Variants in RLBP1 observed in about 807,000 individuals in gnomAD.
RLBP1 encodes the protein retinaldehyde binding protein 1, also known as retinaldehyde-binding protein 1.
In RLBP1, 26 loss-of-function variants were observed where a neutral mutation model predicts 36.2. The ratio of observed to expected loss-of-function variants is 0.72; its 90% confidence interval spans 0.53 to 1.00. RLBP1 has a LOEUF of 1.00. Among genes scored for constraint, RLBP1 ranks in the 50% least tolerant of loss-of-function variants. The probability of loss-of-function intolerance (pLI) is 0.00; values close to 1 mark genes in which losing one functional copy is unlikely to be tolerated. For synonymous variants in RLBP1, 155 were observed against 156.2 expected, an observed-to-expected ratio of 0.99 and a Z score of 0.06; for missense variants, 410 against 402.4, an observed-to-expected ratio of 1.02 and a Z score of -0.16.
rs199544623 is a variant in RLBP1, at chr15:89,218,739, G to C, written c.13-46C>G. 8 of 1,611,236 alleles carry C rather than the reference G, an allele frequency of 5.0e-6. No individual in the cohort carries two copies. The highest frequency in any genetic ancestry group is 6.8e-6 in the Non-Finnish European group (8 of 1,179,978). On this transcript the variant is annotated intron_variant, in intron 3 of 8. Transcript: ENST00000268125. This position sits in a 1 kb window ranked among gnomAD's most constrained non-coding sequence, Gnocchi z 4.6. ...GAGGAACAGCCAACCGCATCAGCCT[G>C]AGCCAGCCAGGGAAATGGGCCTGCT...
rs527538342 is a variant in RLBP1, at chr15:89,212,390, T to C, written c.526-489A>G. Among the ~76,000 whole-genome samples, 129 of 152,210 alleles carry C rather than the reference T, an allele frequency of 8.5e-4. 1 individual carries two copies. The South Asian group carries it at 0.012, about 14-fold the overall frequency. On this transcript the variant is annotated intron_variant, in intron 6 of 8. Coordinates refer to ENST00000268125, the MANE Select transcript of RLBP1 (RefSeq NM_000326.5). ...TGAGGTCAAGAATTCAAGACCAGCC[T>C]GGCCAACATGGTGAAACCCCATCTC...
chr15:89,217,060 G>T, intron 5 of RLBP1, 60 bp downstream of exon 5: 1 of 1,550,400 alleles, frequency 6.4e-7, no homozygotes, highest in Non-Finnish European at 8.9e-7. Flanking sequence ...GGATGAGAGC[G>T]GATAGCATCC....
intron 6 of RLBP1, 138 bp from the exon 7 acceptor site, chr15:89,212,039 T>C: frequency 2.3e-6 from 2 of 871,114 alleles, no homozygotes; most frequent in East Asian, 2.6e-5. Flanking sequence ...ATTCCACTTC[T>C]GTGAATGTAT....
rs1055903315 is a variant in RLBP1 at position 89,218,759 on chromosome 15, C to T, written c.13-66G>A. The T allele has an allele frequency of 1.2e-4, 193 of 1,607,276 alleles. No individual in the cohort carries two copies. Among genetic ancestry groups the T allele is most frequent in the Middle Eastern group, 1.7e-4 (1 of 6,052 alleles). On this transcript the variant is annotated intron_variant, in intron 3 of 8. Coordinates refer to ENST00000268125, the MANE Select transcript of RLBP1 (RefSeq NM_000326.5). The surrounding 1 kb of genome is among the most constrained non-coding windows in gnomAD (Gnocchi z 4.6). Reference sequence around the variant, plus strand: ...AGCCTGAGCCAGCCAGGGAAATGGGCCTGCTCAGACCTTCAGTTCTTTTGC... The same window carrying T: ...AGCCTGAGCCAGCCAGGGAAATGGGTCTGCTCAGACCTTCAGTTCTTTTGC...
Position 89,210,245 on chromosome 15 carries a change from C to T in RLBP1, c.*40G>A, listed in dbSNP as rs1320879198. The T allele has an allele frequency of 6.2e-7, 1 of 1,611,212 alleles. No individual in the cohort carries two copies. Among genetic ancestry groups the T allele is most frequent in the East Asian group, 2.2e-5 (1 of 44,862 alleles). Reference sequence around the variant, plus strand: ...GGGTCCAGGACAGTTGAGGAGAGGCCCAGAGATTCTAACTACAGTTCAGCT... The same window carrying T: ...GGGTCCAGGACAGTTGAGGAGAGGCTCAGAGATTCTAACTACAGTTCAGCT... On this transcript the variant is annotated 3_prime_UTR_variant, in exon 9 of 9. Coordinates refer to ENST00000268125, the MANE Select transcript of RLBP1 (RefSeq NM_000326.5). This position sits in a 1 kb window ranked among gnomAD's most constrained non-coding sequence, Gnocchi z 4.7.
In RLBP1 at chr15:89,218,851, T is replaced by C. The variant is rs1004532869; in HGVS notation, c.12+113A>G. 3.3e-6 allele frequency: 5 copies of C among 1,500,554 alleles called. No individual in the cohort carries two copies. The highest frequency in any genetic ancestry group is 4.6e-6 in the Non-Finnish European group (5 of 1,086,846). 93.0% of individuals were successfully genotyped at this position (1,500,554 alleles called of 1,614,324 possible). On this transcript the variant is annotated intron_variant, in intron 3 of 8. Transcript: ENST00000268125. This position sits in a 1 kb window ranked among gnomAD's most constrained non-coding sequence, Gnocchi z 4.6. Reference sequence around the variant, plus strand: ...CCCACACAGGGGTTATAGAAGTGTGTGCCTATATTCCCGGGCAGAGCATAA... The same window carrying C: ...CCCACACAGGGGTTATAGAAGTGTGCGCCTATATTCCCGGGCAGAGCATAA...
At chr15:89,216,222 A>G (rs1477452639) in intron 5 of RLBP1, among the ~76,000 whole-genome samples, 3 of 152,166 alleles carry the variant, frequency 2.0e-5, no homozygotes, top group South Asian at 2.1e-4. Context: ...AAGAAGTAGG[A>G]AAAGGAAAAT....
chr15:89,216,611 C>G (rs900877391), intron 5 of RLBP1, among the ~76,000 whole-genome samples: 1 of 152,178 alleles, frequency 6.6e-6, no homozygotes, highest in Non-Finnish European at 1.5e-5. Flanking sequence ...CGTGAGCCAC[C>G]GCAACCGGCC....
intron 5 of RLBP1, among the ~76,000 whole-genome samples, chr15:89,216,058 A>G (rs2051577151): frequency 6.6e-6 from 1 of 152,096 alleles, no homozygotes; most frequent in Non-Finnish European, 1.5e-5. Context: ...ATTTAACCCT[A>G]TATAATTTTA....
intron 2 of RLBP1, chr15:89,219,458 G>C (rs2150972340): frequency 5.3e-6 from 1 of 187,334 alleles, no homozygotes; most frequent in East Asian, 1.3e-4. Context: ...TCCTTCTCCA[G>C]CCCGAAGGAG....
Position 89,210,314 on chromosome 15 carries a change from G to C in RLBP1, c.925C>G (p.Gln309Glu). The change falls in exon 9 of 9, where the codon CAG becomes GAG. Residue 309 changes from glutamine to glutamate, a missense_variant. Gln to Glu is a conservative substitution (Grantham distance 29). Coordinates refer to ENST00000268125, the MANE Select transcript of RLBP1 (RefSeq NM_000326.5). The surrounding 1 kb of genome is among the most constrained non-coding windows in gnomAD (Gnocchi z 4.7). The part of the protein sequence containing the change: ...KAVAEQLFGP[Q>E]AQAENTAF ...AAGGCTGTGTTCTCAGCTTGGGCCT[G>C]GGGGCCAAAGAGCTGCTCAGCAACG... The C allele has an allele frequency of 6.2e-7, 1 of 1,614,160 alleles. No individual in the cohort carries two copies. Among genetic ancestry groups the C allele is most frequent in the South Asian group, 1.1e-5 (1 of 91,084 alleles).
Position 89,218,736 on chromosome 15 carries a change from C to A in RLBP1, c.13-43G>T, listed in dbSNP as rs1263444554. ...AAAGAGGAACAGCCAACCGCATCAG[C>A]CTGAGCCAGCCAGGGAAATGGGCCT... is the stretch of plus-strand genomic sequence containing the variant. On this transcript the variant is annotated intron_variant, in intron 3 of 8. Transcript: ENST00000268125. This position sits in a 1 kb window ranked among gnomAD's most constrained non-coding sequence, Gnocchi z 4.6. 1 of 1,611,280 alleles carries A rather than the reference C, an allele frequency of 6.2e-7. No individual in the cohort carries two copies. Among genetic ancestry groups the A allele is most frequent in the Non-Finnish European group, 8.5e-7 (1 of 1,180,010 alleles).
Position 89,218,537 on chromosome 15 carries a change from C to T in RLBP1, c.141+28G>A. ...CCCCTCATGTTGCCTCCCTAGGCTG[C>T]TCCTCTCCGCACTGTCAGCCACCTC... On this transcript the variant is annotated intron_variant, in intron 4 of 8. Coordinates refer to ENST00000268125, the MANE Select transcript of RLBP1 (RefSeq NM_000326.5). This position sits in a 1 kb window ranked among gnomAD's most constrained non-coding sequence, Gnocchi z 4.6. 1 of 1,614,174 alleles carries T rather than the reference C, an allele frequency of 6.2e-7. No individual in the cohort carries two copies. The highest frequency in any genetic ancestry group is 8.5e-7 in the Non-Finnish European group (1 of 1,180,024).
intron 6 of RLBP1, among the ~76,000 whole-genome samples, chr15:89,213,622 C>A (rs2051555803): frequency 6.6e-6 from 1 of 152,166 alleles, no homozygotes; most frequent in African/African-American, 2.4e-5. Flanking sequence ...GAAGCAGAGT[C>A]TCTCTCTGTC....
chr15:89,217,120 C>A lies in RLBP1; in HGVS notation c.346G>T (p.Gly116Cys), dbSNP rs762326108. 6.2e-7 allele frequency: 1 copy of A among 1,613,980 alleles called. No homozygotes were observed. The highest frequency in any genetic ancestry group is 8.5e-7 in the Non-Finnish European group (1 of 1,179,976). The change falls in exon 5 of 9, where the codon GGC (glycine) becomes TGC (cysteine). Residue 116 changes from glycine to cysteine, a missense_variant and splice_region_variant. Gly to Cys is a radical substitution (Grantham distance 159). Transcript: ENST00000268125. ...NVGRAYELLR[G>C]YVNFRLQYPE... ...CCGTCCCTCCAAGCACTGGCCTCAC[C>A]TCTGAGCAGCTCATAGGCACGGCCC...
chr15:89,219,975 T>C (rs17228503), intron 1 of RLBP1, 116 bp from the exon 2 acceptor site: 51,999 of 152,080 alleles, frequency 0.34, 9,607 homozygotes, highest in Non-Finnish European at 0.42. Context: ...GTGGGTATTT[T>C]TGGAGACAGC....
At position 89,217,147 on chromosome 15, in the gene RLBP1, C is replaced by T. The variant is rs1454165180; in HGVS notation, c.319G>A (p.Val107Met). 6.2e-7 allele frequency: 1 copy of T among 1,614,118 alleles called. No homozygotes were observed. Among genetic ancestry groups the T allele is most frequent in the Non-Finnish European group, 8.5e-7 (1 of 1,180,022 alleles). Residue 107 changes from valine to methionine, a missense_variant, in exon 5 of 9, where the codon GTG becomes ATG. Transcript: ENST00000268125. ...LRFIRARKFN[V>M]GRAYELLRGY... is the part of the protein sequence containing the mutation. ...CTGAGCAGCTCATAGGCACGGCCCA[C>T]GTTGAACTTCCGTGCGCGGATGAAG...
intron 6 of RLBP1, among the ~76,000 whole-genome samples, chr15:89,213,299 T>A (rs1301782397): frequency 6.6e-6 from 1 of 150,402 alleles, no homozygotes; most frequent in Admixed American, 6.6e-5. Context: ...ATCAGGGGCA[T>A]AAGAAGTGGA....
chr15:89,217,021 C>A, intron 5 of RLBP1, 99 bp downstream of exon 5: 1 of 1,290,690 alleles, frequency 7.7e-7, no homozygotes, highest in Admixed American at 1.8e-5. Flanking sequence ...GACTTGCCCA[C>A]AGTATGGAAG....
Sources: allele counts gnomAD v4.1 joint callset (sites outside exome capture counted in the v4.1 genomes callset), GRCh38; gene constraint gnomAD v4.1.1; non-coding constraint Gnocchi (gnomAD v3.1); transcripts MANE v1.5; gene names NCBI Gene and HGNC (gene_info 2026-07-23, HGNC 2026-07-21).